Variants in TUSC3 observed in about 807,000 individuals in gnomAD.
The protein encoded by TUSC3 is dolichyl-diphosphooligosaccharide--protein glycosyltransferase subunit TUSC3.
In TUSC3, 45 loss-of-function variants were observed where a neutral mutation model predicts 44.8. The ratio of observed to expected loss-of-function variants is 1.00; its 90% CI spans 0.79 to 1.29. The LOEUF is 1.29. Ranked by LOEUF, TUSC3 falls within the 50% of genes most tolerant of loss-of-function variation. The probability of loss-of-function intolerance (pLI) is 0.00; values close to 1 mark genes in which losing one functional copy is unlikely to be tolerated. For synonymous variants in TUSC3, 212 were observed against 152.9 expected, an observed-to-expected ratio of 1.39 and a Z score of -2.85; for missense variants, 519 against 437.9, an observed-to-expected ratio of 1.19 and a Z score of -1.65.
At chr8:15,540,669 G>A (rs554840620) in intron 1 of TUSC3, 101 bp downstream of exon 1, 15 of 1,416,982 alleles carry the variant, frequency 1.1e-5, no homozygotes, top group Middle Eastern at 2.4e-4. Context: ...CCTGGTCGCC[G>A]GCGTGGGCGA....
chr8:15,477,031 C>T (rs1368592108), intron 1 of TUSC3, among the ~76,000 whole-genome samples: 1 of 152,116 alleles, frequency 6.6e-6, no homozygotes, highest in Admixed American at 6.5e-5. Flanking sequence ...AGCAACCCAT[C>T]AGAGGTACTT....
chr8:15,497,262 A>C (rs917394522), intron 2 of TUSC3, among the ~76,000 whole-genome samples: 5 of 152,176 alleles, frequency 3.3e-5, no homozygotes, highest in Admixed American at 2.0e-4. Flanking sequence ...TCCAAGTCCC[A>C]ATTCCCACCG....
At chr8:15,495,085 C>T (rs1392042901) in intron 2 of TUSC3, among the ~76,000 whole-genome samples, 1 of 152,168 alleles carries the variant, frequency 6.6e-6, no homozygotes, top group Non-Finnish European at 1.5e-5. Flanking sequence ...TACAGGATCT[C>T]ATTCTTTTTT....
chr8:15,554,701 C>T (rs1385275409), intron 1 of TUSC3, among the ~76,000 whole-genome samples: 1 of 146,038 alleles, frequency 6.8e-6, no homozygotes, highest in Non-Finnish European at 1.5e-5. Flanking sequence ...CTCCCAGGTT[C>T]ACACCATTCT....
chr8:15,627,294 C>A (rs1434122440), intron 2 of TUSC3, among the ~76,000 whole-genome samples: 3 of 152,166 alleles, frequency 2.0e-5, no homozygotes, highest in African/African-American at 7.2e-5. Context: ...AGGAGGTACC[C>A]TCCCTACTGA....
intron 2 of TUSC3, among the ~76,000 whole-genome samples, chr8:15,490,596 T>G (rs1800795280): frequency 6.6e-6 from 1 of 152,192 alleles, no homozygotes; most frequent in Non-Finnish European, 1.5e-5. Flanking sequence ...AGACACAAAG[T>G]GTGCAGCTGC....
At chr8:15,489,065 A>C (rs1800772414) in intron 2 of TUSC3, among the ~76,000 whole-genome samples, 1 of 152,158 alleles carries the variant, frequency 6.6e-6, no homozygotes, top group Admixed American at 6.5e-5. Context: ...AGTGACCAAG[A>C]CTGAGGGCAG....
chr8:15,624,561 T>G (rs1187451674), intron 2 of TUSC3, among the ~76,000 whole-genome samples: 2 of 152,222 alleles, frequency 1.3e-5, no homozygotes, highest in Non-Finnish European at 1.5e-5. Context: ...TATGACTAAT[T>G]GTGTTGAACA....
chr8:15,593,819 C>T (rs535735002), intron 1 of TUSC3, among the ~76,000 whole-genome samples: 27 of 152,148 alleles, frequency 1.8e-4, no homozygotes, highest in Middle Eastern at 3.4e-3. Context: ...CCAGTCCCTC[C>T]TTTCATATTC....
intron 6 of TUSC3, among the ~76,000 whole-genome samples, chr8:15,721,942 T>G (rs1340446777): frequency 6.6e-6 from 1 of 151,970 alleles, no homozygotes; most frequent in Non-Finnish European, 1.5e-5. Flanking sequence ...ACTATCCTAA[T>G]AGTATAGTAT....
chr8:15,771,910 A>C, the TUSC3 span, among the ~76,000 whole-genome samples: 5 of 152,080 alleles, frequency 3.3e-5, no homozygotes, highest in East Asian at 9.7e-4. Flanking sequence ...AACACGGTGA[A>C]ACCCCATCTC....
intron 6 of TUSC3, among the ~76,000 whole-genome samples, chr8:15,685,677 T>C (rs1258274551): frequency 6.6e-6 from 1 of 152,136 alleles, no homozygotes; most frequent in Non-Finnish European, 1.5e-5. Flanking sequence ...GGGGAAACAC[T>C]GTTTAGAATG....
At chr8:15,438,797 G>C (rs1395086782) in intron 1 of TUSC3, among the ~76,000 whole-genome samples, 1 of 152,182 alleles carries the variant, frequency 6.6e-6, no homozygotes, top group Admixed American at 6.5e-5. Context: ...AATCCTAGGA[G>C]CTAGGCAGAG....
chr8:15,745,413 A>C (rs2543152), intron 8 of TUSC3, among the ~76,000 whole-genome samples: 1,549 of 152,156 alleles, frequency 0.01, 10 homozygotes, highest in South Asian at 0.029. Context: ...GCTCTAATTT[A>C]CATTCCCGAC....
intron 6 of TUSC3, among the ~76,000 whole-genome samples, chr8:15,688,020 A>G (rs919576339): frequency 1.3e-5 from 2 of 152,196 alleles, no homozygotes; most frequent in African/African-American, 4.8e-5. Context: ...AAGGATAAGA[A>G]CAAAAAGAGA....
intron 1 of TUSC3, among the ~76,000 whole-genome samples, chr8:15,546,620 C>G (rs1367144900): frequency 2.0e-5 from 3 of 151,666 alleles, no homozygotes; most frequent in Non-Finnish European, 4.4e-5. Context: ...ACTGCAACCT[C>G]TGCCTCCTGG....
At chr8:15,820,422 C>T in the TUSC3 span, among the ~76,000 whole-genome samples, 5 of 150,912 alleles carry the variant, frequency 3.3e-5, no homozygotes, top group African/African-American at 7.3e-5. Context: ...AGCGATCAAG[C>T]GATTCTCCTG....
chr8:15,722,249 C>G (rs1029658571), intron 6 of TUSC3, among the ~76,000 whole-genome samples: 43 of 142,160 alleles, frequency 3.0e-4, no homozygotes, highest in Admixed American at 7.0e-5. Flanking sequence ...TTGTTTCTTT[C>G]TTTTTTTTTT....
chr8:15,582,240 C>G (rs1446563821), intron 1 of TUSC3, among the ~76,000 whole-genome samples: 4 of 152,204 alleles, frequency 2.6e-5, no homozygotes, highest in African/African-American at 9.6e-5. Flanking sequence ...CCTGGTACCT[C>G]AGATGGAAAT....
Sources: gnomAD v4.1 joint callset for allele counts (sites outside exome capture counted in the v4.1 genomes callset) on GRCh38, gnomAD v4.1.1 for gene constraint, MANE v1.5 for transcripts, NCBI Gene and HGNC (gene_info 2026-07-23, HGNC 2026-07-21) for gene names.